Variants in ADAMTSL1 observed in about 807,000 individuals in gnomAD.
ADAMTSL1 encodes the protein ADAMTS-like protein 1.
In ADAMTSL1, 126 loss-of-function variants were observed where a neutral mutation model predicts 201.8. The ratio of observed to expected loss-of-function variants is 0.62; its 90% CI spans 0.54 to 0.72. The LOEUF is 0.72. Ranked by LOEUF, ADAMTSL1 falls within the 30% of genes least tolerant of loss-of-function variation. The pLI is 0.00. For synonymous variants in ADAMTSL1, 1,121 were observed against 903.4 expected (o/e 1.24, Z -4.32); for missense variants, 2,679 against 2,277.8 (o/e 1.18, Z -3.59).
chr9:18,759,112 C>CGG (rs1303086921), intron 16 of ADAMTSL1, among the ~76,000 whole-genome samples: 1 of 152,200 alleles, frequency 6.6e-6, no homozygotes, highest in African/African-American at 2.4e-5. Flanking sequence ...GTCCACCCAA[C>CGG]TGTACACACA....
At chr9:18,360,523 A>G (rs888652428) in intron 2 of ADAMTSL1, 4 of 152,226 alleles carry the variant, frequency 2.6e-5, no homozygotes, top group Admixed American at 1.3e-4. Flanking sequence ...GAGGTGAGAT[A>G]CCCTAAATGA....
chr9:18,034,708 C>A (rs1332903504), intron 1 of ADAMTSL1, among the ~76,000 whole-genome samples: 2 of 152,144 alleles, frequency 1.3e-5, no homozygotes, highest in Non-Finnish European at 2.9e-5. Context: ...CTTACTTTCT[C>A]TACTCTGGCT....
chr9:18,287,329 A>G (rs548667032), intron 2 of ADAMTSL1, among the ~76,000 whole-genome samples: 3 of 151,752 alleles, frequency 2.0e-5, no homozygotes, highest in South Asian at 2.1e-4. Flanking sequence ...GTATACACAC[A>G]CACACGTGTG....
At chr9:18,752,847 T>G (rs1819541311) in intron 15 of ADAMTSL1, among the ~76,000 whole-genome samples, 1 of 152,190 alleles carries the variant, frequency 6.6e-6, no homozygotes, top group African/African-American at 2.4e-5. Flanking sequence ...ACCTTTCACT[T>G]TGAAGCCAAA....
At chr9:17,947,249 T>A (rs1827528644) in intron 1 of ADAMTSL1, among the ~76,000 whole-genome samples, 1 of 151,568 alleles carries the variant, frequency 6.6e-6, no homozygotes, top group South Asian at 2.1e-4. Flanking sequence ...TGTGTTTGTA[T>A]ATATATACAG....
At chr9:17,916,145 C>T (rs1826084565) in intron 1 of ADAMTSL1, among the ~76,000 whole-genome samples, 1 of 152,148 alleles carries the variant, frequency 6.6e-6, no homozygotes, top group South Asian at 2.1e-4. Flanking sequence ...GGTCTCGAAC[C>T]CCAGGCCTCA....
chr9:18,114,986 C>T (rs186719988), intron 1 of ADAMTSL1, among the ~76,000 whole-genome samples: 45 of 152,186 alleles, frequency 3.0e-4, no homozygotes, highest in African/African-American at 9.6e-4. Context: ...GCAGTGAATT[C>T]GTTAGTTGTC....
At chr9:18,335,997 T>C (rs906915479) in intron 2 of ADAMTSL1, among the ~76,000 whole-genome samples, 7 of 152,142 alleles carry the variant, frequency 4.6e-5, no homozygotes, top group Admixed American at 3.9e-4. Flanking sequence ...GGGAGTGGCA[T>C]TGAATCAAGT....
At chr9:18,018,171 GA>G (rs1242638680) in intron 1 of ADAMTSL1, among the ~76,000 whole-genome samples, 1 of 152,102 alleles carries the variant, frequency 6.6e-6, no homozygotes, top group East Asian at 1.9e-4. Context: ...GCTATTTACA[GA>G]ATAAGTTTGG....
At chr9:18,618,102 G>C (rs1253795162) in intron 4 of ADAMTSL1, among the ~76,000 whole-genome samples, 1 of 152,140 alleles carries the variant, frequency 6.6e-6, no homozygotes, top group Admixed American at 6.6e-5. Context: ...GTGTACTTGG[G>C]AAATAGTCTC....
intron 1 of ADAMTSL1, among the ~76,000 whole-genome samples, chr9:18,005,156 G>T (rs1254112436): frequency 2.6e-5 from 4 of 152,056 alleles, no homozygotes; most frequent in African/African-American, 7.2e-5. Context: ...ATCATGGAAA[G>T]CTTCTTAGGA....
chr9:18,124,083 T>TTG lies in ADAMTSL1; in HGVS notation c.88-39778_88-39777insGT, dbSNP rs1214374369. Among the ~76,000 whole-genome samples, 5 of 143,066 alleles carry TTG rather than the reference T, an allele frequency of 3.5e-5. No homozygotes were observed. The East Asian group carries it at 1.0e-3, about 30-fold the overall frequency. The allele number at this position is 143,066 out of a possible 152,430, so 93.9% of individuals were successfully genotyped here. Reference sequence around the variant, plus strand: ...TTTATGTGCTTATTTGCCAGTTTTTTTTTTTTTTTTTTTTTTTGAGATGGA... The same window carrying TTG: ...TTTATGTGCTTATTTGCCAGTTTTTTTGTTTTTTTTTTTTTTTTTGAGATGGA... On this transcript the variant is annotated intron_variant, in intron 1 of 29. Transcript: ENST00000680146.
In ADAMTSL1 at chr9:17,910,619, A is replaced by T. The variant is rs147747156; in HGVS notation, c.87+3697A>T. ...ACCACCATTCAGAGCTGCTGTCCAC[A>T]TGTGAGGAGCCTGATGAAACTTGTC... On this transcript the variant is annotated intron_variant, in intron 1 of 29. Transcript: ENST00000680146. Among the ~76,000 whole-genome samples, 235 of 68,986 alleles carry T rather than the reference A, an allele frequency of 3.4e-3. 60 individuals are homozygous for T. Among genetic ancestry groups the T allele is most frequent in the African/African-American group, 6.3e-3 (216 of 34,160 alleles). 45.3% of individuals were successfully genotyped at this position (68,986 alleles called of 152,430 possible).
At position 18,410,844 on chromosome 9, in the gene ADAMTSL1, TTC is replaced by T. The variant is rs199851118; in HGVS notation, c.208-93983_208-93982del. Among the ~76,000 whole-genome samples, 456 of 103,814 alleles carry T rather than the reference TTC, an allele frequency of 4.4e-3. 21 individuals are homozygous for T. The highest frequency in any genetic ancestry group is 0.011 in the African/African-American group (290 of 26,420). The allele number at this position is 103,814 out of a possible 152,430, so 68.1% of individuals were successfully genotyped here. A position where few individuals can be genotyped will look rare whatever the true frequency, so the allele number is the denominator to read the frequency against. On this transcript the variant is annotated intron_variant, in intron 2 of 29. Transcript: ENST00000680146. ...GACTGGTAGATTTTCTGTCTTCTTCTTCTTTTTTTTTTTTTTTAGACACAGTC... is the reference window on the plus strand; with the variant it reads ...GACTGGTAGATTTTCTGTCTTCTTCTTTTTTTTTTTTTTTTAGACACAGTC...
chr9:18,800,345 C>A lies in ADAMTSL1; in HGVS notation c.3805+4821C>A, dbSNP rs979278190. Among the ~76,000 whole-genome samples the A allele has an allele frequency of 1.9e-4, 26 of 138,876 alleles. No individual in the cohort carries two copies. In the Admixed American group the frequency reaches 2.0e-3, roughly 10 times the overall value. The allele number at this position is 138,876 out of a possible 152,430, so 91.1% of individuals were successfully genotyped here. ...TGAGCCAAGACCATGCCACTGTACT[C>A]CAGCCTGGGCAACAAGAGGAAAACT... On this transcript the variant is annotated intron_variant, in intron 20 of 28. Transcript: ENST00000380548.
Position 18,621,768 on chromosome 9 carries a change from G to A in ADAMTSL1, c.475-475G>A, listed in dbSNP as rs1332711. Among the ~76,000 whole-genome samples, 1,319 of 152,066 alleles carry A rather than the reference G, an allele frequency of 8.7e-3. 22 individuals are homozygous for A. Among genetic ancestry groups the A allele is most frequent in the African/African-American group, 0.03 (1,251 of 41,470 alleles). ...CATTAATTAACCCAATATACAAATC[G>A]CCCACCCTTACGCAGCATACGTTCT... On this transcript the variant is annotated intron_variant, in intron 4 of 28. Coordinates refer to ENST00000380548, the MANE Select transcript of ADAMTSL1 (RefSeq NM_001040272.6).
intron 2 of ADAMTSL1, among the ~76,000 whole-genome samples, chr9:18,276,761 A>G (rs758902711): frequency 3.3e-5 from 5 of 152,244 alleles, no homozygotes; most frequent in Middle Eastern, 3.4e-3. Context: ...AAACAGCCAG[A>G]TCTGGCATGA....
At position 18,824,690 on chromosome 9, in the gene ADAMTSL1, C is replaced by CTTTTTTTTTTTTT. The variant is rs34551511; in HGVS notation, c.3935-1581_3935-1569dup. Among the ~76,000 whole-genome samples, 4 of 75,742 alleles carry CTTTTTTTTTTTTT rather than the reference C, an allele frequency of 5.3e-5. 1 individual carries two copies. The East Asian group carries it at 1.6e-3, about 30-fold the overall frequency. The allele number at this position is 75,742 out of a possible 152,430, so 49.7% of individuals were successfully genotyped here. A position where few individuals can be genotyped will look rare whatever the true frequency, so the allele number is the denominator to read the frequency against. ...TGACCCCATTTCCCGGGACTTGACCCTTTTTTTTTTTTTTTTTTTTTTTTT... is the reference window on the plus strand; with the variant it reads ...TGACCCCATTTCCCGGGACTTGACCCTTTTTTTTTTTTTTTTTTTTTTTTTTTTTTTTTTTTTT... On this transcript the variant is annotated intron_variant, in intron 21 of 28. Coordinates refer to ENST00000380548, the MANE Select transcript of ADAMTSL1 (RefSeq NM_001040272.6).
Position 18,826,256 on chromosome 9 carries a change from GT to G in ADAMTSL1, c.3935-22del. On this transcript the variant is annotated intron_variant, in intron 21 of 28. Coordinates refer to ENST00000380548, the MANE Select transcript of ADAMTSL1 (RefSeq NM_001040272.6). ...TGAATGTGTTTGACTGATGAGTGGGGTTTTTTGTTTTTTTTTTTTCTTCCTA... is the reference window on the plus strand; with the variant it reads ...TGAATGTGTTTGACTGATGAGTGGGGTTTTTGTTTTTTTTTTTTCTTCCTA... 6.7e-6 allele frequency: 10 copies of G among 1,486,006 alleles called. No individual in the cohort carries two copies. In the African/African-American group the frequency reaches 1.1e-4, roughly 16 times the overall value. 92.1% of individuals were successfully genotyped at this position (1,486,006 alleles called of 1,614,324 possible). A position where few individuals can be genotyped will look rare whatever the true frequency, so the allele number is the denominator to read the frequency against.
Sources: gnomAD v4.1 joint callset for allele counts (sites outside exome capture counted in the v4.1 genomes callset) on GRCh38, gnomAD v4.1.1 for gene constraint, MANE v1.5 for transcripts, NCBI Gene and HGNC (gene_info 2026-07-23, HGNC 2026-07-21) for gene names.